Variants in RAD51D observed in about 807,000 individuals in gnomAD.
The protein encoded by RAD51D is RAD51 paralog D.
Under a neutral mutation model 44.1 loss-of-function variants are expected in RAD51D, and 38 were observed. That is an observed-to-expected ratio of 0.86 (90% CI 0.67 to 1.13). The LOEUF (loss-of-function observed/expected upper bound fraction) is 1.13, where lower values mean the gene tolerates loss of function less well. Ranked by LOEUF, RAD51D falls within the 50% of genes most tolerant of loss-of-function variation. The probability of loss-of-function intolerance (pLI) is 0.00; values close to 1 mark genes in which losing one functional copy is unlikely to be tolerated. For missense variants in RAD51D, 390 were observed against 414.0 expected (o/e 0.94, Z 0.50); for synonymous variants, 141 against 166.6 (o/e 0.85, Z 1.18).
rs887945490 is a variant in RAD51D at position 35,119,643 on chromosome 17, G to A, written c.-30C>T. On this transcript the variant is annotated 5_prime_UTR_variant, in exon 1 of 10. Coordinates refer to ENST00000345365, the MANE Select transcript of RAD51D (RefSeq NM_002878.4). ...CCCGCAGGCCGGAACAGCCCCAGGG[G>A]GACTGCACGTCACGTGGGCATTCGC... The A allele has an allele frequency of 6.2e-7, 1 of 1,605,752 alleles. No homozygotes were observed. Among genetic ancestry groups the A allele is most frequent in the Non-Finnish European group, 8.5e-7 (1 of 1,179,088 alleles).
intron 8 of RAD51D, 118 bp from the exon 9 acceptor site, chr17:35,101,483 G>A: frequency 8.6e-7 from 1 of 1,156,498 alleles, no homozygotes; most frequent in Non-Finnish European, 1.3e-6. Flanking sequence ...CTTCCCCAAG[G>A]TTACAAAACC....
At chr17:35,108,868 C>CTTTT (rs35092882) in intron 3 of RAD51D, among the ~76,000 whole-genome samples, 1 of 122,642 alleles carries the variant, frequency 8.2e-6, no homozygotes, top group African/African-American at 3.2e-5. Flanking sequence ...TTTTTCTTTT[C>CTTTT]TTTTTTTTTT....
intron 3 of RAD51D, among the ~76,000 whole-genome samples, chr17:35,110,199 C>T (rs1489023421): frequency 1.3e-5 from 2 of 152,082 alleles, no homozygotes; most frequent in Non-Finnish European, 2.9e-5. Context: ...GTTTTGAACT[C>T]CTGGGCTCAA....
intron 6 of RAD51D, chr17:35,106,164 T>G (rs2091600046): frequency 1.4e-6 from 1 of 698,110 alleles, no homozygotes; most frequent in Non-Finnish European, 2.7e-6. Flanking sequence ...GACATGATCC[T>G]TCCACTCAGG....
rs1567723852 is a variant in RAD51D at position 35,099,978 on chromosome 17, C to T, written c.*975G>A. The T allele has an allele frequency of 1.9e-6, 1 of 527,970 alleles. No homozygotes were observed. The highest frequency in any genetic ancestry group is 4.0e-5 in the East Asian group (1 of 24,980). 32.7% of individuals were successfully genotyped at this position (527,970 alleles called of 1,614,324 possible). A position where few individuals can be genotyped will look rare whatever the true frequency, so the allele number is the denominator to read the frequency against. Reference sequence around the variant, plus strand: ...TAATTATATTGCATCTTGGAGCCACCAGCAATGAATTTCTGCATAAAGGAC... The same window carrying T: ...TAATTATATTGCATCTTGGAGCCACTAGCAATGAATTTCTGCATAAAGGAC... On this transcript the variant is annotated 3_prime_UTR_variant, in exon 10 of 10. Coordinates refer to ENST00000345365, the MANE Select transcript of RAD51D (RefSeq NM_002878.4).
chr17:35,110,663 G>A (rs918004347), intron 3 of RAD51D, among the ~76,000 whole-genome samples: 3 of 152,202 alleles, frequency 2.0e-5, no homozygotes, highest in Non-Finnish European at 4.4e-5. Flanking sequence ...TTCAAAGGCT[G>A]TCTTTCCTCC....
chr17:35,112,153 C>T (rs2091685901), intron 3 of RAD51D, among the ~76,000 whole-genome samples: 1 of 152,248 alleles, frequency 6.6e-6, no homozygotes, highest in Non-Finnish European at 1.5e-5. Context: ...TCTTGGCTCA[C>T]TGCAAGCTCT....
At chr17:35,114,366 G>A (rs1337794622) in intron 3 of RAD51D, among the ~76,000 whole-genome samples, 3 of 152,054 alleles carry the variant, frequency 2.0e-5, no homozygotes, top group African/African-American at 7.2e-5. Flanking sequence ...CTGCACATTG[G>A]ATTCACCTGG....
At position 35,101,366 on chromosome 17, in the gene RAD51D, C is replaced by G. The variant is rs1555567202; in HGVS notation, c.739-1G>C. 1 of 1,613,508 alleles carries G rather than the reference C, an allele frequency of 6.2e-7. No homozygotes were observed. The highest frequency in any genetic ancestry group is 8.5e-7 in the Non-Finnish European group (1 of 1,179,978). The stretch of plus-strand genomic sequence containing the variant: ...TGTCTCGAGTTATGTGGTTGGTCAC[C>G]TGCAGCAGAAACAGACTTACAGATC... On this transcript the variant is annotated splice_acceptor_variant, in intron 8 of 9. Coordinates refer to ENST00000345365, the MANE Select transcript of RAD51D (RefSeq NM_002878.4). LOFTEE classifies it high-confidence loss of function.
At chr17:35,119,073 A>G (rs768144374) in intron 2 of RAD51D, 38 bp downstream of exon 2, 1 of 1,589,672 alleles carries the variant, frequency 6.3e-7, no homozygotes, top group South Asian at 1.1e-5. Context: ...CTTTTTAAAA[A>G]GACACTCAGG....
intron 3 of RAD51D, among the ~76,000 whole-genome samples, chr17:35,112,808 T>C (rs565576279): frequency 1.4e-3 from 208 of 152,362 alleles, no homozygotes; most frequent in Non-Finnish European, 2.2e-3. Context: ...GTTATTTGCT[T>C]GTTTTTGTTT....
In RAD51D at chr17:35,101,021, C is replaced by T. The variant is rs115031549; in HGVS notation, c.919G>A (p.Glu307Lys). The T allele has an allele frequency of 1.6e-4, 251 of 1,613,792 alleles. 2 individuals carry two copies. The African/African-American group carries it at 2.9e-3, about 19-fold the overall frequency. Reference sequence around the variant, plus strand: ...CCCCAGGTCCCAATGTCTACCATCTCCTGGAAACCTGTTGGCTGGAAGAAG... The same window carrying T: ...CCCCAGGTCCCAATGTCTACCATCTTCTGGAAACCTGTTGGCTGGAAGAAG... ...KSSRQPTGFQEMVDIGTWGTS... is the reference protein window; with the variant it reads ...KSSRQPTGFQKMVDIGTWGTS... The change falls in exon 10 of 10, where the codon GAG (glutamate) becomes AAG (lysine). Residue 307 changes from glutamate (E) to lysine (K), a missense_variant. Glu to Lys is a moderately conservative substitution (Grantham distance 56). Coordinates refer to ENST00000345365, the MANE Select transcript of RAD51D (RefSeq NM_002878.4).
chr17:35,117,067 A>G (rs768621087), intron 3 of RAD51D: 1 of 1,586,772 alleles, frequency 6.3e-7, no homozygotes. Flanking sequence ...CCTAAGCCCA[A>G]GGCCAATCGG....
Position 35,096,202 on chromosome 17 carries a change from T to G in RAD51D, c.*4751A>C, listed in dbSNP as rs1383959796. The G allele has an allele frequency of 6.6e-6, 1 of 152,218 alleles. No homozygotes were observed. Among genetic ancestry groups the G allele is most frequent in the Non-Finnish European group, 1.5e-5 (1 of 68,042 alleles). The allele number at this position is 152,218 out of a possible 1,614,324, so 9.4% of individuals were successfully genotyped here. On this transcript the variant is annotated 3_prime_UTR_variant, in exon 10 of 10. Transcript: ENST00000345365. ...TTTAACACCTTGTTTTCTTAATTTT[T>G]ATTATTTTATTTTATAGAGATAGGG... is the stretch of plus-strand genomic sequence containing the variant.
rs144976827 is a variant in RAD51D, at chr17:35,096,210, T to C, written c.*4743A>G. 1 of 152,346 alleles carries C rather than the reference T, an allele frequency of 6.6e-6. No homozygotes were observed. The highest frequency in any genetic ancestry group is 2.4e-5 in the African/African-American group (1 of 41,588). 9.4% of individuals were successfully genotyped at this position (152,346 alleles called of 1,614,324 possible). Reference sequence around the variant, plus strand: ...CTTGTTTTCTTAATTTTTATTATTTTATTTTATAGAGATAGGGTCTTGCTA... The same window carrying C: ...CTTGTTTTCTTAATTTTTATTATTTCATTTTATAGAGATAGGGTCTTGCTA... On this transcript the variant is annotated 3_prime_UTR_variant, in exon 10 of 10. Coordinates refer to ENST00000345365, the MANE Select transcript of RAD51D (RefSeq NM_002878.4).
At chr17:35,106,894 G>T (rs1409043637) in intron 5 of RAD51D, 94 bp downstream of exon 5, 4 of 1,579,022 alleles carry the variant, frequency 2.5e-6, no homozygotes, top group Non-Finnish European at 3.5e-6. Flanking sequence ...TTGAAGGCAA[G>T]GAATGACTAT....
Position 35,093,902 on chromosome 17 carries a change from T to C in RAD51D, c.*7051A>G, listed in dbSNP as rs751241405. 3 of 152,178 alleles carry C rather than the reference T, an allele frequency of 2.0e-5. No individual in the cohort carries two copies. The highest frequency in any genetic ancestry group is 1.3e-4 in the Admixed American group (2 of 15,278). The allele number at this position is 152,178 out of a possible 1,614,324, so 9.4% of individuals were successfully genotyped here. On this transcript the variant is annotated 3_prime_UTR_variant, in exon 10 of 10. Coordinates refer to ENST00000345365, the MANE Select transcript of RAD51D (RefSeq NM_002878.4). ...CACACAGAACTAGACAGTTTAAACC[T>C]TACCCAGTGCTTGCTTCAGCAGCAC...
At chr17:35,110,369 T>C (rs1053130330) in intron 3 of RAD51D, among the ~76,000 whole-genome samples, 1 of 152,220 alleles carries the variant, frequency 6.6e-6, no homozygotes, top group Non-Finnish European at 1.5e-5. Flanking sequence ...GGCTTGTAAC[T>C]ATGTTTCCCA....
In RAD51D at chr17:35,119,817, G is replaced by T. The variant is rs1402096410; in HGVS notation, c.-204C>A. ...CCGCCCGGGATCCGCCGGGATTCCC[G>T]CGCCCAGAGCCCGCCCGCCGGGTCG... On this transcript the variant is annotated 5_prime_UTR_variant, in exon 1 of 10. Coordinates refer to ENST00000345365, the MANE Select transcript of RAD51D (RefSeq NM_002878.4). 5 of 697,988 alleles carry T rather than the reference G, an allele frequency of 7.2e-6. No individual in the cohort carries two copies. Among genetic ancestry groups the T allele is most frequent in the South Asian group, 1.5e-5 (1 of 66,624 alleles). 43.2% of individuals were successfully genotyped at this position (697,988 alleles called of 1,614,324 possible). A position where few individuals can be genotyped will look rare whatever the true frequency, so the allele number is the denominator to read the frequency against.
Sources: allele counts gnomAD v4.1 joint callset (sites outside exome capture counted in the v4.1 genomes callset), GRCh38; gene constraint gnomAD v4.1.1; transcripts MANE v1.5; gene names NCBI Gene and HGNC (gene_info 2026-07-23, HGNC 2026-07-21).